Variants in TTC27 observed in about 807,000 individuals in gnomAD.
TTC27 encodes tetratricopeptide repeat domain 27, also known as tetratricopeptide repeat protein 27.
In TTC27, 79 loss-of-function variants were observed where a neutral mutation model predicts 115.9. That is an observed-to-expected ratio of 0.68 (90% CI 0.57 to 0.82). The LOEUF (loss-of-function observed/expected upper bound fraction) is 0.82, where lower values mean the gene tolerates loss of function less well. Ranked by LOEUF, TTC27 falls within the 40% of genes least tolerant of loss-of-function variation. The probability of loss-of-function intolerance (pLI) is 0.00; values close to 1 mark genes in which losing one functional copy is unlikely to be tolerated. For missense variants in TTC27, 1,054 were observed against 993.1 expected, an observed-to-expected ratio of 1.06 and a Z score of -0.82; for synonymous variants, 401 against 356.0, an observed-to-expected ratio of 1.13 and a Z score of -1.42.
intron 9 of TTC27, among the ~76,000 whole-genome samples, chr2:32,694,007 C>T (rs1384842629): frequency 3.3e-5 from 5 of 152,092 alleles, no homozygotes; most frequent in Non-Finnish European, 7.4e-5. Flanking sequence ...AAATAAAATT[C>T]TGGTTAGAAC....
chr2:32,820,781 G>A, intron 19 of TTC27, 35 bp from the exon 20 acceptor site: 1 of 1,499,648 alleles, frequency 6.7e-7, no homozygotes, highest in Non-Finnish European at 8.9e-7. Flanking sequence ...AATTTGTGTT[G>A]TTTTAATACT....
chr2:32,680,637 T>G (rs1307624698), intron 9 of TTC27, among the ~76,000 whole-genome samples: 2 of 152,060 alleles, frequency 1.3e-5, no homozygotes, highest in African/African-American at 4.8e-5. Context: ...GGGTAGGGAC[T>G]GGATGGGGAC....
At chr2:32,647,250 G>A (rs1664900354) in intron 4 of TTC27, among the ~76,000 whole-genome samples, 1 of 152,078 alleles carries the variant, frequency 6.6e-6, no homozygotes, top group African/African-American at 2.4e-5. Context: ...CTTGTATTAT[G>A]TGTTTTCTTA....
chr2:32,801,618 T>A (rs990153299), intron 16 of TTC27, among the ~76,000 whole-genome samples: 3 of 152,228 alleles, frequency 2.0e-5, no homozygotes, highest in African/African-American at 7.2e-5. Flanking sequence ...CCACAGCTTT[T>A]GTGCTCTGTT....
At chr2:32,747,847 C>T (rs1668880936) in intron 12 of TTC27, among the ~76,000 whole-genome samples, 1 of 152,104 alleles carries the variant, frequency 6.6e-6, no homozygotes, top group African/African-American at 2.4e-5. Flanking sequence ...CTTTTTATTT[C>T]TGTAAGATTG....
intron 16 of TTC27, among the ~76,000 whole-genome samples, chr2:32,802,100 G>A (rs1670965688): frequency 6.6e-6 from 1 of 151,100 alleles, no homozygotes; most frequent in East Asian, 1.9e-4. Context: ...GATCCGCAAG[G>A]GTGTCCAGAA....
At chr2:32,636,554 G>C (rs764144848) in intron 3 of TTC27, among the ~76,000 whole-genome samples, 9 of 152,080 alleles carry the variant, frequency 5.9e-5, no homozygotes, top group Admixed American at 1.3e-4. Context: ...TTACAGATTT[G>C]AGGTAATCTA....
At chr2:32,693,731 A>G (rs1183300900) in intron 9 of TTC27, among the ~76,000 whole-genome samples, 1 of 152,252 alleles carries the variant, frequency 6.6e-6, no homozygotes, top group Non-Finnish European at 1.5e-5. Context: ...AAGCAAAACT[A>G]TAAAGCTCTT....
chr2:32,658,137 AT>A (rs1309342224), intron 5 of TTC27, among the ~76,000 whole-genome samples: 2 of 151,328 alleles, frequency 1.3e-5, no homozygotes, highest in Non-Finnish European at 2.9e-5. Context: ...CCTATTTAAA[AT>A]TTTTTTTTAG....
intron 3 of TTC27, among the ~76,000 whole-genome samples, chr2:32,637,533 T>TTAA (rs1664475456): frequency 6.6e-6 from 1 of 152,026 alleles, no homozygotes; most frequent in Non-Finnish European, 1.5e-5. Context: ...GGGTTTCACC[T>TTAA]TATTGGCCAG....
At chr2:32,696,941 G>A (rs539384598) in intron 9 of TTC27, among the ~76,000 whole-genome samples, 1 of 152,292 alleles carries the variant, frequency 6.6e-6, no homozygotes, top group South Asian at 2.1e-4. Flanking sequence ...GCTCACACCT[G>A]TAATCCTAGC....
In TTC27 at chr2:32,772,819, C is replaced by A. The variant is rs559143238; in HGVS notation, c.1681-5063C>A. Among the ~76,000 whole-genome samples the A allele has an allele frequency of 1.8e-4, 27 of 152,216 alleles. 1 individual carries two copies. In the South Asian group the frequency reaches 5.4e-3, roughly 30 times the overall value. On this transcript the variant is annotated intron_variant, in intron 13 of 19. Transcript: ENST00000317907. Reference sequence around the variant, plus strand: ...TTTGCCACTAGATGGCAATTGTGTACCTTCGAACCCAGTCCCCTCTGGGTT... The same window carrying A: ...TTTGCCACTAGATGGCAATTGTGTAACTTCGAACCCAGTCCCCTCTGGGTT...
At chr2:32,707,357 A>G (rs1006656258) in intron 10 of TTC27, among the ~76,000 whole-genome samples, 7 of 152,198 alleles carry the variant, frequency 4.6e-5, no homozygotes, top group African/African-American at 1.7e-4. Flanking sequence ...AGCCACTTCC[A>G]TGGTAATTAA....
At chr2:32,745,970 C>T (rs1280168173) in intron 12 of TTC27, among the ~76,000 whole-genome samples, 1 of 152,176 alleles carries the variant, frequency 6.6e-6, no homozygotes, top group African/African-American at 2.4e-5. Flanking sequence ...GTTATAATTA[C>T]AAGTTCTGCT....
At chr2:32,767,506 C>T (rs1162894551) in intron 13 of TTC27, among the ~76,000 whole-genome samples, 1 of 130,112 alleles carries the variant, frequency 7.7e-6, no homozygotes, top group Non-Finnish European at 1.5e-5. Flanking sequence ...AGGCCAAGGA[C>T]TGCGGACTGC....
At position 32,654,954 on chromosome 2, in the gene TTC27, C is replaced by G. The variant is rs188164830; in HGVS notation, c.640+4721C>G. ...CAAATGATCCATCCTCCTCAGCCCCCCAAAGTGCTTGGATTACAGGCATGA... is the reference window on the plus strand; with the variant it reads ...CAAATGATCCATCCTCCTCAGCCCCGCAAAGTGCTTGGATTACAGGCATGA... On this transcript the variant is annotated intron_variant, in intron 5 of 19. Coordinates refer to ENST00000317907, the MANE Select transcript of TTC27 (RefSeq NM_017735.5). Among the ~76,000 whole-genome samples the G allele has an allele frequency of 2.2e-3, 329 of 151,220 alleles. 1 individual carries two copies. The highest frequency in any genetic ancestry group is 7.1e-3 in the African/African-American group (294 of 41,168).
chr2:32,797,630 A>T (rs1670754363), intron 16 of TTC27, among the ~76,000 whole-genome samples: 2 of 152,218 alleles, frequency 1.3e-5, no homozygotes, highest in South Asian at 4.1e-4. Context: ...TCAAATACTT[A>T]AATTTAATAG....
intron 12 of TTC27, among the ~76,000 whole-genome samples, chr2:32,741,291 C>A (rs1668626800): frequency 2.0e-5 from 3 of 152,216 alleles, no homozygotes; most frequent in African/African-American, 7.2e-5. Flanking sequence ...TACTCTGGTA[C>A]CCCATTTGTT....
chr2:32,657,076 C>A (rs978490515), intron 5 of TTC27, among the ~76,000 whole-genome samples: 1 of 151,232 alleles, frequency 6.6e-6, no homozygotes. Context: ...AGCCCTGCCT[C>A]CCAGGTTCAT....
Sources: gnomAD v4.1 joint callset for allele counts (sites outside exome capture counted in the v4.1 genomes callset) on GRCh38, gnomAD v4.1.1 for gene constraint, MANE v1.5 for transcripts, NCBI Gene and HGNC (gene_info 2026-07-23, HGNC 2026-07-21) for gene names.